The following LRBA variants were observed in gnomAD, a reference collection of about 807,000 sequenced individuals.
LRBA encodes lipopolysaccharide-responsive and beige-like anchor protein.
LRBA carries 176 observed loss-of-function variants against 330.0 expected under a neutral mutation model. That is an observed-to-expected ratio of 0.53 (90% CI 0.47 to 0.60). The LOEUF (loss-of-function observed/expected upper bound fraction) is 0.60. Among genes scored for constraint, LRBA ranks in the 20% least tolerant of loss-of-function variants. The probability of loss-of-function intolerance (pLI) is 0.00; values close to 1 mark genes in which losing one functional copy is unlikely to be tolerated. For missense variants in LRBA, 3,259 were observed against 3,444.8 expected (o/e 0.95, Z 1.35); for synonymous variants, 1,230 against 1,193.0 (o/e 1.03, Z -0.64).
At chr4:150,922,159 C>A (rs1396245064) in intron 4 of LRBA, among the ~76,000 whole-genome samples, 2 of 152,076 alleles carry the variant, frequency 1.3e-5, no homozygotes, top group Non-Finnish European at 2.9e-5. Flanking sequence ...CCACACCTGG[C>A]CAAAAACGAT....
chr4:150,660,516 G>T (rs1166096467), intron 37 of LRBA, among the ~76,000 whole-genome samples: 3 of 151,426 alleles, frequency 2.0e-5, no homozygotes, highest in African/African-American at 4.8e-5. Flanking sequence ...CAGCCGCCCT[G>T]TCCGGGAGGT....
At chr4:150,839,095 C>T (rs1387192013) in intron 28 of LRBA, among the ~76,000 whole-genome samples, 2 of 152,140 alleles carry the variant, frequency 1.3e-5, no homozygotes, top group Non-Finnish European at 1.5e-5. Context: ...ACAGACAATT[C>T]TCAAAAGAAG....
intron 17 of LRBA, among the ~76,000 whole-genome samples, chr4:150,892,292 T>G (rs1300663830): frequency 1.3e-5 from 2 of 152,210 alleles, no homozygotes; most frequent in Non-Finnish European, 2.9e-5. Context: ...AATGTTTGCA[T>G]ACACCCAAAA....
rs969350643 is a variant in LRBA, at chr4:150,381,010, T to C, written c.7195-30851A>G. On this transcript the variant is annotated intron_variant, in intron 47 of 56. Coordinates refer to ENST00000651943, the MANE Select transcript of LRBA (RefSeq NM_001364905.1). ...AAAAAAAAAAAAAAAAAAAAAAAAG[T>C]ATATTTTGTTTTTAACTTAGAACTA... Among the ~76,000 whole-genome samples the C allele has an allele frequency of 6.7e-5, 8 of 120,278 alleles. 1 individual carries two copies. Among genetic ancestry groups the C allele is most frequent in the African/African-American group, 1.9e-4 (6 of 32,218 alleles). The allele number at this position is 120,278 out of a possible 152,430, so 78.9% of individuals were successfully genotyped here.
chr4:150,771,107 T>C lies in LRBA; in HGVS notation c.5581-9260A>G, dbSNP rs145767838. ...ATTGTTGTGCCTCCTGGTGGAAGCA[T>C]TTCTCCCTTTGGAAGTAAGACCTCT... is the stretch of plus-strand genomic sequence containing the variant. On this transcript the variant is annotated intron_variant, in intron 34 of 56. Transcript: ENST00000651943. Among the ~76,000 whole-genome samples, 678 of 152,238 alleles carry C rather than the reference T, an allele frequency of 4.5e-3. 4 individuals carry two copies. Among genetic ancestry groups the C allele is most frequent in the African/African-American group, 0.016 (656 of 41,526 alleles).
rs144286589 is a variant in LRBA at position 150,630,558 on chromosome 4, C to CT, written c.5922-31428dup. Among the ~76,000 whole-genome samples, 57 of 150,634 alleles carry CT rather than the reference C, an allele frequency of 3.8e-4. No homozygotes were observed. The East Asian group carries it at 9.3e-3, about 25-fold the overall frequency. ...TATTAACACATACTGTAGTTTATGT[C>CT]TACTTAAACAGGTTTACAGATTACA... On this transcript the variant is annotated intron_variant, in intron 37 of 56. Transcript: ENST00000651943.
chr4:150,308,932 A>C (rs1730708470), intron 52 of LRBA, among the ~76,000 whole-genome samples: 1 of 152,146 alleles, frequency 6.6e-6, no homozygotes, highest in Non-Finnish European at 1.5e-5. Flanking sequence ...TTAAAAACAA[A>C]TTTAGTGTAG....
rs569807857 is a variant in LRBA at position 150,344,601 on chromosome 4, G to A, written c.7362+5391C>T. Among the ~76,000 whole-genome samples the A allele has an allele frequency of 6.1e-4, 93 of 152,222 alleles. 1 individual carries two copies. The highest frequency in any genetic ancestry group is 2.0e-3 in the African/African-American group (85 of 41,536). ...TTTAAAGATAGGGTCTTACTCTGTC[G>A]CCCAGGCTGGAGTGCAATGGCAGGA... On this transcript the variant is annotated intron_variant, in intron 48 of 56. Transcript: ENST00000651943.
At chr4:150,851,049 A>G (rs1750554740) in intron 23 of LRBA, 147 bp from the exon 24 acceptor site, 5 of 559,304 alleles carry the variant, frequency 8.9e-6, no homozygotes, top group Non-Finnish European at 1.6e-5. Context: ...AAAAATTATC[A>G]ATGAGTAATA....
At chr4:150,269,497 C>T (rs566553004) in intron 56 of LRBA, among the ~76,000 whole-genome samples, 1 of 152,202 alleles carries the variant, frequency 6.6e-6, no homozygotes, top group East Asian at 1.9e-4. Flanking sequence ...GATCAAAAAC[C>T]TAAATACAAA....
At chr4:150,779,164 C>T (rs1429095859) in intron 34 of LRBA, among the ~76,000 whole-genome samples, 1 of 152,060 alleles carries the variant, frequency 6.6e-6, no homozygotes, top group Non-Finnish European at 1.5e-5. Context: ...TTATCTCATA[C>T]TTCTAAATTC....
chr4:150,768,710 T>G (rs764466438), intron 34 of LRBA, among the ~76,000 whole-genome samples: 14 of 149,372 alleles, frequency 9.4e-5, no homozygotes, highest in Admixed American at 2.0e-4. Context: ...AATGAGCAAA[T>G]TGCCAAAGTT....
At chr4:150,685,421 T>C (rs1461498255) in intron 36 of LRBA, among the ~76,000 whole-genome samples, 2 of 11,108 alleles carry the variant, frequency 1.8e-4, no homozygotes, top group African/African-American at 7.7e-4. Context: ...TATATATATA[T>C]TTTTTTTTTT....
At chr4:150,330,406 A>T (rs1733828085) in intron 48 of LRBA, among the ~76,000 whole-genome samples, 1 of 152,118 alleles carries the variant, frequency 6.6e-6, no homozygotes, top group Non-Finnish European at 1.5e-5. Flanking sequence ...CTGTAATGTT[A>T]TTTATGTCTG....
intron 47 of LRBA, among the ~76,000 whole-genome samples, chr4:150,380,274 A>G (rs1380743478): frequency 6.6e-6 from 1 of 152,200 alleles, no homozygotes; most frequent in Non-Finnish European, 1.5e-5. Context: ...CATTAGAACA[A>G]CAGGGATCAC....
chr4:150,777,352 G>C (rs1051103410), intron 34 of LRBA, among the ~76,000 whole-genome samples: 6 of 150,164 alleles, frequency 4.0e-5, no homozygotes, highest in Non-Finnish European at 5.9e-5. Flanking sequence ...TTTGCTCTCA[G>C]AAACCAAACA....
intron 40 of LRBA, among the ~76,000 whole-genome samples, chr4:150,508,025 A>C (rs914008271): frequency 4.2e-5 from 6 of 142,470 alleles, no homozygotes; most frequent in African/African-American, 1.0e-4. Flanking sequence ...GGGAATTGAA[A>C]AATAAGAACA....
intron 2 of LRBA, among the ~76,000 whole-genome samples, chr4:150,970,066 C>T (rs536774796): frequency 2.0e-4 from 30 of 152,284 alleles, no homozygotes; most frequent in African/African-American, 7.0e-4. Flanking sequence ...CCACCCTGAT[C>T]GAGGCAAAAC....
chr4:150,409,187 C>G (rs1336813099), intron 47 of LRBA, among the ~76,000 whole-genome samples: 1 of 152,016 alleles, frequency 6.6e-6, no homozygotes, highest in South Asian at 2.1e-4. Context: ...TGAAGAGACA[C>G]AAGGAGAAGA....
Sources: allele counts gnomAD v4.1 joint callset (sites outside exome capture counted in the v4.1 genomes callset), GRCh38; gene constraint gnomAD v4.1.1; transcripts MANE v1.5; gene names NCBI Gene and HGNC (gene_info 2026-07-23, HGNC 2026-07-21).